Variants in SLC30A8 observed in about 807,000 individuals in gnomAD.
SLC30A8 encodes solute carrier family 30 member 8, also known as proton-coupled zinc antiporter SLC30A8.
Under a neutral mutation model 36.9 loss-of-function variants are expected in SLC30A8, and 27 were observed. The ratio of observed to expected loss-of-function variants is 0.73; its 90% CI spans 0.54 to 1.01. SLC30A8 has a LOEUF of 1.01. SLC30A8 is among the 50% of genes least tolerant of loss of function. The pLI, the probability that SLC30A8 is intolerant of heterozygous loss-of-function variation, is 0.00. For missense variants in SLC30A8, 439 were observed against 452.0 expected, an observed-to-expected ratio of 0.97 and a Z score of 0.26; for synonymous variants, 164 against 172.4, an observed-to-expected ratio of 0.95 and a Z score of 0.38.
At chr8:117,072,405 A>T (rs1228371076) in intron 2 of SLC30A8, among the ~76,000 whole-genome samples, 1 of 152,170 alleles carries the variant, frequency 6.6e-6, no homozygotes, top group East Asian at 1.9e-4. Flanking sequence ...ACATTTTTAA[A>T]AGCCTATCCC....
chr8:117,000,799 G>C (rs142681972), intron 1 of SLC30A8, among the ~76,000 whole-genome samples: 1 of 152,166 alleles, frequency 6.6e-6, no homozygotes, highest in African/African-American at 2.4e-5. Flanking sequence ...CACGGTGGCT[G>C]TGTGAACTTG....
intron 2 of SLC30A8, among the ~76,000 whole-genome samples, chr8:117,045,850 G>A (rs1214223948): frequency 1.3e-5 from 2 of 152,002 alleles, no homozygotes; most frequent in Non-Finnish European, 2.9e-5. Flanking sequence ...ATGGCCCCGC[G>A]GATCTCTGGC....
chr8:117,040,331 A>G (rs370045032), intron 2 of SLC30A8, among the ~76,000 whole-genome samples: 2 of 152,230 alleles, frequency 1.3e-5, no homozygotes, highest in Admixed American at 6.5e-5. Context: ...AATGAACATG[A>G]GATTCCTTTT....
intron 2 of SLC30A8, among the ~76,000 whole-genome samples, chr8:117,103,130 A>G (rs1819799996): frequency 6.6e-6 from 1 of 152,092 alleles, no homozygotes; most frequent in Non-Finnish European, 1.5e-5. Flanking sequence ...GGTAGGGTCC[A>G]TCCCGAAGTA....
intron 2 of SLC30A8, among the ~76,000 whole-genome samples, chr8:117,083,744 A>G (rs781121732): frequency 3.3e-5 from 5 of 152,212 alleles, no homozygotes; most frequent in Admixed American, 6.5e-5. Context: ...AGTGGAACAG[A>G]GCCCTTGTGG....
chr8:117,144,237 G>A (rs956803541), intron 1 of SLC30A8, among the ~76,000 whole-genome samples: 1 of 152,096 alleles, frequency 6.6e-6, no homozygotes, highest in Non-Finnish European at 1.5e-5. Flanking sequence ...AAAAGCAAAA[G>A]TCTACTCATT....
intron 2 of SLC30A8, among the ~76,000 whole-genome samples, chr8:117,123,380 A>G (rs1422832151): frequency 9.2e-5 from 14 of 152,066 alleles, no homozygotes; most frequent in Admixed American, 7.9e-4. Context: ...TGACATTTAC[A>G]TAAACAGGCT....
chr8:116,985,293 TACACACACACAC>T (rs71305454), intron 1 of SLC30A8, among the ~76,000 whole-genome samples: 5,020 of 140,304 alleles, frequency 0.036, 264 homozygotes, highest in African/African-American at 0.12. Flanking sequence ...CTCACACACA[TACACACACACAC>T]ACACACACAC....
intron 1 of SLC30A8, among the ~76,000 whole-genome samples, chr8:117,031,708 C>T (rs1312574751): frequency 1.3e-5 from 2 of 152,118 alleles, no homozygotes; most frequent in Non-Finnish European, 2.9e-5. Context: ...AGGTGAGCCG[C>T]CCACCTCGGC....
intron 1 of SLC30A8, among the ~76,000 whole-genome samples, chr8:117,024,161 G>A (rs1816798858): frequency 6.6e-6 from 1 of 152,124 alleles, no homozygotes; most frequent in African/African-American, 2.4e-5. Flanking sequence ...AAACTACCTA[G>A]CTATTTTGAA....
chr8:117,018,737 G>A (rs1194076152), intron 1 of SLC30A8, among the ~76,000 whole-genome samples: 3 of 148,142 alleles, frequency 2.0e-5, no homozygotes, highest in Non-Finnish European at 4.4e-5. Flanking sequence ...TGCAATGTTG[G>A]CTCACTGCAA....
intron 4 of SLC30A8, among the ~76,000 whole-genome samples, chr8:117,161,189 A>G (rs1006539132): frequency 1.3e-5 from 2 of 152,238 alleles, no homozygotes; most frequent in African/African-American, 4.8e-5. Context: ...CATGAGCACA[A>G]TATTCTCATC....
intron 2 of SLC30A8, among the ~76,000 whole-genome samples, chr8:117,098,363 T>C (rs1256666263): frequency 6.6e-6 from 1 of 152,056 alleles, no homozygotes; most frequent in Non-Finnish European, 1.5e-5. Context: ...TGTCCTGCTC[T>C]TAGTGGAAAA....
chr8:117,063,615 C>G (rs2130788529), intron 2 of SLC30A8, among the ~76,000 whole-genome samples: 1 of 152,270 alleles, frequency 6.6e-6, no homozygotes, highest in East Asian at 1.9e-4. Context: ...CTCCTATGTC[C>G]TGTTCCCTGG....
At chr8:116,994,670 T>G (rs761489886) in intron 1 of SLC30A8, among the ~76,000 whole-genome samples, 1 of 152,086 alleles carries the variant, frequency 6.6e-6, no homozygotes, top group Non-Finnish European at 1.5e-5. Flanking sequence ...TACTATACGT[T>G]GATTCAGGAA....
intron 1 of SLC30A8, among the ~76,000 whole-genome samples, chr8:117,005,067 A>G (rs1392229187): frequency 6.6e-6 from 1 of 152,140 alleles, no homozygotes; most frequent in Non-Finnish European, 1.5e-5. Flanking sequence ...CTATTTACAC[A>G]GAGTTGTGTA....
chr8:117,148,000 G>C (rs865825177), intron 2 of SLC30A8, among the ~76,000 whole-genome samples: 3 of 151,888 alleles, frequency 2.0e-5, no homozygotes, highest in Non-Finnish European at 4.4e-5. Flanking sequence ...ATCTCTGGGA[G>C]CTCTTTATAT....
intron 1 of SLC30A8, among the ~76,000 whole-genome samples, chr8:116,986,679 C>G (rs1409389375): frequency 6.6e-6 from 1 of 151,996 alleles, no homozygotes. Context: ...GATGTGACAG[C>G]CTTCTCAGTC....
intron 1 of SLC30A8, among the ~76,000 whole-genome samples, chr8:117,137,786 C>T (rs1821429367): frequency 6.6e-6 from 1 of 151,926 alleles, no homozygotes; most frequent in South Asian, 2.1e-4. Context: ...ATAGCTTAAG[C>T]CCAGAACTGG....
Sources: gnomAD v4.1 joint callset for allele counts (sites outside exome capture counted in the v4.1 genomes callset) on GRCh38, gnomAD v4.1.1 for gene constraint, MANE v1.5 for transcripts, NCBI Gene and HGNC (gene_info 2026-07-23, HGNC 2026-07-21) for gene names.